The following SLC9A1 variants were observed in gnomAD, a reference collection of about 807,000 sequenced individuals.
SLC9A1 encodes solute carrier family 9 member A1, also known as sodium/hydrogen exchanger 1.
Under a neutral mutation model 67.9 loss-of-function variants are expected in SLC9A1, and 22 were observed. That is an observed-to-expected ratio of 0.32 (90% CI 0.23 to 0.46). The LOEUF (loss-of-function observed/expected upper bound fraction) is 0.46, where lower values mean the gene tolerates loss of function less well. SLC9A1 is among the 20% of genes least tolerant of loss of function. SLC9A1 has a pLI of 1.00. For missense variants in SLC9A1, 686 were observed against 1,094.8 expected (o/e 0.63, Z 5.27); for synonymous variants, 421 against 471.8 (o/e 0.89, Z 1.40).
Position 27,109,911 on chromosome 1 carries a change from C to T in SLC9A1, c.814-134G>A. On this transcript the variant is annotated intron_variant, in intron 2 of 11. Coordinates refer to ENST00000263980, the MANE Select transcript of SLC9A1 (RefSeq NM_003047.5). The surrounding 1 kb of genome is among the most constrained non-coding windows in gnomAD (Gnocchi z 5.5). ...AAGAGGCCACACGGTAGCAGAGAAA[C>T]CCTAGTGCCAAGCAGGTGCTCAAAA... 9.5e-7 allele frequency: 1 copy of T among 1,047,666 alleles called. No homozygotes were observed. The highest frequency in any genetic ancestry group is 3.2e-4 in the Middle Eastern group (1 of 3,154). 64.9% of individuals were successfully genotyped at this position (1,047,666 alleles called of 1,614,324 possible).
intron 1 of SLC9A1, among the ~76,000 whole-genome samples, chr1:27,123,561 A>C (rs1409754655): frequency 1.7e-4 from 26 of 149,186 alleles, no homozygotes; most frequent in Admixed American, 1.4e-3. Flanking sequence ...GGAGTGTTGG[A>C]GTGCAATGGC....
intron 1 of SLC9A1, among the ~76,000 whole-genome samples, chr1:27,142,080 C>A (rs1255828678): frequency 6.6e-6 from 1 of 152,170 alleles, no homozygotes; most frequent in Non-Finnish European, 1.5e-5. Context: ...AAGGACAGCT[C>A]CCTAATAGAT....
At chr1:27,105,817 C>T in intron 5 of SLC9A1, 68 bp downstream of exon 5, 1 of 1,366,410 alleles carries the variant, frequency 7.3e-7, no homozygotes, top group East Asian at 2.3e-5. Flanking sequence ...ACACGCTTTC[C>T]TCTCTTTCCA....
Position 27,154,049 on chromosome 1 carries a change from A to G in SLC9A1, c.286T>C (p.Tyr96His). 6.2e-7 allele frequency: 1 copy of G among 1,611,082 alleles called. No individual in the cohort carries two copies. The highest frequency in any genetic ancestry group is 8.5e-7 in the Non-Finnish European group (1 of 1,178,186). ...RKAFPVLGID[Y>H]THVRTPFEIS... ...TCGAAGGGGGTGCGCACGTGTGTGT[A>G]GTCGATGCCCAGGACTGGAAAGGCC... The change falls in exon 1 of 12, where the codon TAC becomes CAC. Residue 96 changes from tyrosine to histidine, a missense_variant. Coordinates refer to ENST00000263980, the MANE Select transcript of SLC9A1 (RefSeq NM_003047.5).
chr1:27,101,681 C>T lies in SLC9A1; in HGVS notation c.2037+44G>A, dbSNP rs367811591. Reference sequence around the variant, plus strand: ...CTTAGAGGCTGTGGCGGAGCTTGGGCGAGTGGGGTGGGATACAGATTCCCA... The same window carrying T: ...CTTAGAGGCTGTGGCGGAGCTTGGGTGAGTGGGGTGGGATACAGATTCCCA... On this transcript the variant is annotated intron_variant, in intron 10 of 11. Transcript: ENST00000263980. This position sits in a 1 kb window ranked among gnomAD's most constrained non-coding sequence, Gnocchi z 4.9. 1.8e-5 allele frequency: 25 copies of T among 1,388,364 alleles called. No individual in the cohort carries two copies. The highest frequency in any genetic ancestry group is 8.5e-5 in the African/African-American group (6 of 70,298). 86.0% of individuals were successfully genotyped at this position (1,388,364 alleles called of 1,614,324 possible). A position where few individuals can be genotyped will look rare whatever the true frequency, so the allele number is the denominator to read the frequency against.
chr1:27,115,012 C>T (rs913412586), intron 1 of SLC9A1, among the ~76,000 whole-genome samples: 32 of 152,152 alleles, frequency 2.1e-4, no homozygotes, highest in African/African-American at 7.2e-4. Flanking sequence ...TTTGCTATCC[C>T]GCTTCTAGCT....
intron 2 of SLC9A1, among the ~76,000 whole-genome samples, chr1:27,112,387 G>A (rs2083234520): frequency 6.6e-6 from 1 of 152,244 alleles, no homozygotes; most frequent in Admixed American, 6.5e-5. Flanking sequence ...GTGCCCTTGA[G>A]CTTTCCTGTG....
At chr1:27,120,960 G>C (rs2083301065) in intron 1 of SLC9A1, among the ~76,000 whole-genome samples, 1 of 152,138 alleles carries the variant, frequency 6.6e-6, no homozygotes, top group Non-Finnish European at 1.5e-5. Context: ...CCAGTTCTCT[G>C]AACTGCTAGT....
At chr1:27,120,092 T>C (rs1014009483) in intron 1 of SLC9A1, among the ~76,000 whole-genome samples, 2 of 152,008 alleles carry the variant, frequency 1.3e-5, no homozygotes, top group Non-Finnish European at 2.9e-5. Context: ...GTATTATTCA[T>C]TGAGTTTCTG....
intron 1 of SLC9A1, among the ~76,000 whole-genome samples, chr1:27,152,674 T>C (rs1381259876): frequency 1.3e-5 from 2 of 152,184 alleles, no homozygotes; most frequent in African/African-American, 4.8e-5. Context: ...TGCTGATGGC[T>C]TAGTTCCATG....
chr1:27,112,161 G>A (rs1330238596), intron 2 of SLC9A1, among the ~76,000 whole-genome samples: 1 of 152,238 alleles, frequency 6.6e-6, no homozygotes, highest in African/African-American at 2.4e-5. Context: ...TCAGGCTCAT[G>A]TGGTAACCCT....
chr1:27,109,772 C>T lies in SLC9A1; in HGVS notation c.819G>A (p.Leu273=). ...TGGCAAACTCCTCAAAGAGGTGATA[C>T]AGGACCTGGGGAGGGTGTGCAGGCT... The part of the protein sequence containing the change: ...SLLNDAVTVV[L]YHLFEEFANY... The change falls in exon 3 of 12, where the codon CTG becomes CTA. Residue 273 remains leucine (L), a synonymous_variant. Transcript: ENST00000263980. This position sits in a 1 kb window ranked among gnomAD's most constrained non-coding sequence, Gnocchi z 5.5. 2 of 1,613,890 alleles carry T rather than the reference C, an allele frequency of 1.2e-6. No homozygotes were observed. Among genetic ancestry groups the T allele is most frequent in the Non-Finnish European group, 1.7e-6 (2 of 1,180,008 alleles).
At chr1:27,134,052 C>T (rs183714450) in intron 1 of SLC9A1, among the ~76,000 whole-genome samples, 19 of 152,194 alleles carry the variant, frequency 1.2e-4, no homozygotes, top group African/African-American at 3.4e-4. Context: ...CATGAGCTAC[C>T]GCGCCCGGCC....
chr1:27,135,826 T>C (rs1300503004), intron 1 of SLC9A1, among the ~76,000 whole-genome samples: 3 of 152,218 alleles, frequency 2.0e-5, no homozygotes, highest in East Asian at 3.8e-4. Flanking sequence ...ATCTCACAGA[T>C]AGGCTGAGCA....
rs1176729346 is a variant in SLC9A1, at chr1:27,154,586, A to C, written c.-252T>G. On this transcript the variant is annotated 5_prime_UTR_variant, in exon 1 of 12. Coordinates refer to ENST00000263980, the MANE Select transcript of SLC9A1 (RefSeq NM_003047.5). Reference sequence around the variant, plus strand: ...CACGAAAGGAGACCAAAAGGTCTGGAACTCCGGGCCTGGGAAGGGGGAGGA... The same window carrying C: ...CACGAAAGGAGACCAAAAGGTCTGGCACTCCGGGCCTGGGAAGGGGGAGGA... 3 of 434,508 alleles carry C rather than the reference A, an allele frequency of 6.9e-6. No individual in the cohort carries two copies. In the East Asian group the frequency reaches 1.2e-4, roughly 17 times the overall value. The allele number at this position is 434,508 out of a possible 1,614,324, so 26.9% of individuals were successfully genotyped here. A position where few individuals can be genotyped will look rare whatever the true frequency, so the allele number is the denominator to read the frequency against.
intron 1 of SLC9A1, among the ~76,000 whole-genome samples, chr1:27,134,915 T>C (rs2083409514): frequency 2.1e-5 from 3 of 145,880 alleles, no homozygotes; most frequent in Admixed American, 2.0e-4. Flanking sequence ...TTTTGTATTT[T>C]TAGTAGAGAT....
intron 1 of SLC9A1, among the ~76,000 whole-genome samples, chr1:27,117,959 C>T (rs1171768763): frequency 6.6e-6 from 1 of 152,146 alleles, no homozygotes; most frequent in Non-Finnish European, 1.5e-5. Flanking sequence ...CTATTCCAGC[C>T]CTTGGAGCTT....
rs369938948 is a variant in SLC9A1 at position 27,102,753 on chromosome 1, G to A, written c.1576-10C>T. ...GAAGGTGGTCCAGGAACTGAAAGGG[G>A]CCCAGGGCCAAGTCAAGCCTCGCTG... On this transcript the variant is annotated splice_polypyrimidine_tract_variant and intron_variant, in intron 6 of 11. Coordinates refer to ENST00000263980, the MANE Select transcript of SLC9A1 (RefSeq NM_003047.5). 6.8e-6 allele frequency: 11 copies of A among 1,612,772 alleles called. No homozygotes were observed. The African/African-American group carries it at 8.0e-5, about 12-fold the overall frequency.
intron 1 of SLC9A1, among the ~76,000 whole-genome samples, chr1:27,147,140 AAAC>A (rs2083491606): frequency 1.3e-5 from 2 of 151,616 alleles, no homozygotes; most frequent in Non-Finnish European, 2.9e-5. Flanking sequence ...ACAAACAAAA[AAAC>A]CAAAAAATTA....
Sources: allele counts gnomAD v4.1 joint callset (sites outside exome capture counted in the v4.1 genomes callset), GRCh38; gene constraint gnomAD v4.1.1; non-coding constraint Gnocchi (gnomAD v3.1); transcripts MANE v1.5; gene names NCBI Gene and HGNC (gene_info 2026-07-23, HGNC 2026-07-21).